The following NELL2 variants were observed in gnomAD, a reference collection of about 807,000 sequenced individuals.
NELL2 encodes protein kinase C-binding protein NELL2.
Under a neutral mutation model 109.6 loss-of-function variants are expected in NELL2, and 41 were observed. The observed-to-expected ratio is 0.37, with a 90% CI of 0.29 to 0.49. The LOEUF (loss-of-function observed/expected upper bound fraction) is 0.49, where lower values mean the gene tolerates loss of function less well. Among genes scored for constraint, NELL2 ranks in the 20% least tolerant of loss-of-function variants. The pLI is 0.98. For missense variants in NELL2, 900 were observed against 1,008.3 expected (o/e 0.89, Z 1.45); for synonymous variants, 355 against 344.7 (o/e 1.03, Z -0.33).
intron 2 of NELL2, among the ~76,000 whole-genome samples, chr12:44,838,473 T>A (rs1270462093): frequency 6.6e-6 from 1 of 152,214 alleles, no homozygotes; most frequent in Non-Finnish European, 1.5e-5. Context: ...CATTTTCTAG[T>A]TTAAACAAGT....
chr12:44,826,804 A>C (rs1305743927), intron 2 of NELL2, among the ~76,000 whole-genome samples: 1 of 152,212 alleles, frequency 6.6e-6, no homozygotes, highest in Non-Finnish European at 1.5e-5. Context: ...AACCCAGGCC[A>C]ATGTGCTTCC....
intron 9 of NELL2, among the ~76,000 whole-genome samples, chr12:44,757,373 G>A (rs1186747031): frequency 1.3e-5 from 2 of 151,900 alleles, no homozygotes; most frequent in African/African-American, 4.8e-5. Flanking sequence ...TCATACTCCC[G>A]TTTAAAACCC....
intron 13 of NELL2, among the ~76,000 whole-genome samples, chr12:44,644,608 G>GTGTGTATATATATATA (rs1461808442): frequency 1.8e-4 from 16 of 90,828 alleles, no homozygotes; most frequent in African/African-American, 7.4e-4. Context: ...ATATATGTAT[G>GTGTGTATATATATATA]TATATATATA....
intron 16 of NELL2, among the ~76,000 whole-genome samples, chr12:44,523,978 C>T (rs1478125471): frequency 2.0e-5 from 3 of 152,148 alleles, no homozygotes; most frequent in African/African-American, 7.2e-5. Context: ...GCTGCACCTG[C>T]CCCCCTCCAT....
At chr12:44,640,673 T>G (rs1946821881) in intron 13 of NELL2, among the ~76,000 whole-genome samples, 1 of 150,754 alleles carries the variant, frequency 6.6e-6, no homozygotes, top group African/African-American at 2.4e-5. Flanking sequence ...TGTATTTTGT[T>G]TTTTTTTTTA....
intron 2 of NELL2, among the ~76,000 whole-genome samples, chr12:44,872,466 T>C (rs1449735836): frequency 1.3e-5 from 2 of 152,174 alleles, no homozygotes; most frequent in African/African-American, 2.4e-5. Context: ...TATATTTCCA[T>C]TTGTTTTTAT....
In NELL2 at chr12:44,598,883, A is replaced by ACACACACACACTCT. The variant is rs1265603008; in HGVS notation, c.1663+8285_1663+8286insAGAGTGTGTGTGTG. Reference sequence around the variant, plus strand: ...CACACACACACACACACACACACACACTCTCTCTCTCTCTCTCTCTCTCTC... The same window carrying ACACACACACACTCT: ...CACACACACACACACACACACACACACACACACACACTCTCTCTCTCTCTCTCTCTCTCTCTCTC... On this transcript the variant is annotated intron_variant, in intron 15 of 19. Coordinates refer to ENST00000429094, the MANE Select transcript of NELL2 (RefSeq NM_001145108.2). Among the ~76,000 whole-genome samples the ACACACACACACTCT allele has an allele frequency of 4.9e-5, 7 of 143,940 alleles. No individual in the cohort carries two copies. In the Admixed American group the frequency reaches 4.9e-4, roughly 10 times the overall value. The allele number at this position is 143,940 out of a possible 152,430, so 94.4% of individuals were successfully genotyped here. A position where few individuals can be genotyped will look rare whatever the true frequency, so the allele number is the denominator to read the frequency against.
At chr12:44,687,037 C>G (rs1054280673) in intron 12 of NELL2, among the ~76,000 whole-genome samples, 23 of 152,168 alleles carry the variant, frequency 1.5e-4, no homozygotes, top group African/African-American at 5.6e-4. Context: ...TCTCAGACTG[C>G]TATGCTAGCA....
rs183618561 is a variant in NELL2, at chr12:44,669,149, C to T, written c.1319-3540G>A. The stretch of plus-strand genomic sequence containing the variant: ...GATACCAATGATACTAATTATAGCC[C>T]GATAAATCATACAGACTACAATATT... On this transcript the variant is annotated intron_variant, in intron 12 of 19. Transcript: ENST00000429094. 2.9e-3 allele frequency among the ~76,000 whole-genome samples: 435 copies of T among 152,202 alleles called. 4 individuals are homozygous for T. The highest frequency in any genetic ancestry group is 8.8e-3 in the African/African-American group (364 of 41,524).
intron 2 of NELL2, among the ~76,000 whole-genome samples, chr12:44,852,836 G>T (rs1234416977): frequency 6.6e-6 from 1 of 151,996 alleles, no homozygotes; most frequent in Non-Finnish European, 1.5e-5. Flanking sequence ...CAATTTTCCT[G>T]GAAATGCAAC....
chr12:44,800,093 G>C (rs570008195), intron 3 of NELL2, among the ~76,000 whole-genome samples: 1 of 151,884 alleles, frequency 6.6e-6, no homozygotes, highest in Non-Finnish European at 1.5e-5. Context: ...GGAATAACAC[G>C]CTTATTGAGG....
chr12:44,874,350 C>T (rs922398766), intron 2 of NELL2, among the ~76,000 whole-genome samples: 1 of 152,162 alleles, frequency 6.6e-6, no homozygotes, highest in African/African-American at 2.4e-5. Flanking sequence ...ATGTATTCTT[C>T]ACCATACATG....
At chr12:44,541,604 A>G (rs1942575518) in intron 15 of NELL2, among the ~76,000 whole-genome samples, 1 of 152,210 alleles carries the variant, frequency 6.6e-6, no homozygotes, top group African/African-American at 2.4e-5. Context: ...GAAATTTCAT[A>G]CCAAGAACAC....
intron 1 of NELL2, among the ~76,000 whole-genome samples, chr12:44,891,411 C>T (rs1015169847): frequency 3.3e-5 from 5 of 152,192 alleles, no homozygotes; most frequent in Admixed American, 3.3e-4. Flanking sequence ...TCTTGTAGTT[C>T]TTCTGCAGGA....
intron 9 of NELL2, among the ~76,000 whole-genome samples, chr12:44,743,835 C>G (rs1427236574): frequency 1.3e-5 from 2 of 152,052 alleles, no homozygotes; most frequent in Admixed American, 1.3e-4. Flanking sequence ...ACTTAGACTC[C>G]CACACAATAA....
chr12:44,555,947 T>A (rs1943236106), intron 15 of NELL2, among the ~76,000 whole-genome samples: 1 of 152,162 alleles, frequency 6.6e-6, no homozygotes, highest in Non-Finnish European at 1.5e-5. Flanking sequence ...AGGCTTTAGG[T>A]ACACATATAC....
chr12:44,523,459 C>T lies in NELL2; in HGVS notation c.1830G>A (p.Arg610=). 1.2e-6 allele frequency: 2 copies of T among 1,613,796 alleles called. No individual in the cohort carries two copies. Among genetic ancestry groups the T allele is most frequent in the Non-Finnish European group, 1.7e-6 (2 of 1,179,974 alleles). ...CEDIDECGTG[R]HSCANDTICF... is the part of the protein sequence containing the mutation. ...AAATGGTATCATTGGCACAGCTGTGCCTCCCGGTCCCACACTCATCAATAT... is the reference window on the plus strand; with the variant it reads ...AAATGGTATCATTGGCACAGCTGTGTCTCCCGGTCCCACACTCATCAATAT... Residue 610 remains arginine (R), a synonymous_variant, in exon 17 of 20, where the codon AGG becomes AGA. Transcript: ENST00000429094.
intron 13 of NELL2, among the ~76,000 whole-genome samples, chr12:44,659,954 AGGGGCCC>A (rs1947679350): frequency 6.6e-6 from 1 of 152,178 alleles, no homozygotes; most frequent in African/African-American, 2.4e-5. Flanking sequence ...GTGTAATTTG[AGGGGCCC>A]TAAGAAATTT....
chr12:44,875,943 A>T lies in NELL2; in HGVS notation c.-74T>A. On this transcript the variant is annotated 5_prime_UTR_variant, in exon 1 of 20. In the 5' UTR this introduces an upstream ATG that the reference lacks. Coordinates refer to ENST00000429094, the MANE Select transcript of NELL2 (RefSeq NM_001145108.2). ...AAAATCGAAGAGGTTCTTGGAATCAAGCGGGAAAATAACGTTTGTCTCTCC... is the reference window on the plus strand; with the variant it reads ...AAAATCGAAGAGGTTCTTGGAATCATGCGGGAAAATAACGTTTGTCTCTCC... 1 of 1,606,242 alleles carries T rather than the reference A, an allele frequency of 6.2e-7. No homozygotes were observed. The highest frequency in any genetic ancestry group is 8.5e-7 in the Non-Finnish European group (1 of 1,179,044).
Sources: gnomAD v4.1 joint callset for allele counts (sites outside exome capture counted in the v4.1 genomes callset) on GRCh38, gnomAD v4.1.1 for gene constraint, MANE v1.5 for transcripts, NCBI Gene and HGNC (gene_info 2026-07-23, HGNC 2026-07-21) for gene names.